The following NBAS variants were observed in gnomAD, a reference collection of about 807,000 sequenced individuals.
NBAS encodes the protein NBAS subunit of NRZ tethering complex.
A neutral mutation model predicts 302.5 loss-of-function variants in NBAS; 219 were observed. The ratio of observed to expected loss-of-function variants is 0.72; its 90% CI spans 0.65 to 0.81. NBAS has a LOEUF of 0.81. NBAS is among the 30% of genes least tolerant of loss of function. NBAS has a pLI of 0.00. For missense variants in NBAS, 2,932 were observed against 2,841.6 expected, an observed-to-expected ratio of 1.03 and a Z score of -0.72; for synonymous variants, 1,118 against 1,021.6, an observed-to-expected ratio of 1.09 and a Z score of -1.80.
intron 11 of NBAS, among the ~76,000 whole-genome samples, chr2:15,499,881 T>C (rs1307638802): frequency 1.3e-5 from 2 of 152,236 alleles, no homozygotes; most frequent in African/African-American, 4.8e-5. Context: ...TGTTAAAATA[T>C]GAACACAAAG....
chr2:15,344,546 G>A (rs1003461098), intron 35 of NBAS, among the ~76,000 whole-genome samples: 26 of 152,242 alleles, frequency 1.7e-4, no homozygotes, highest in African/African-American at 6.3e-4. Context: ...AAAAAGCCCA[G>A]GACCAGATGG....
intron 9 of NBAS, among the ~76,000 whole-genome samples, chr2:15,512,542 G>C (rs1306286356): frequency 1.3e-5 from 2 of 152,160 alleles, no homozygotes; most frequent in African/African-American, 2.4e-5. Flanking sequence ...CTTGAACTTA[G>C]GGAGAGTATC....
the NBAS span, among the ~76,000 whole-genome samples, chr2:14,804,845 T>C: frequency 1.3e-5 from 2 of 152,176 alleles, no homozygotes; most frequent in African/African-American, 2.4e-5. Context: ...AAAGGTTAGA[T>C]AGTTAGAAAT....
the NBAS span, among the ~76,000 whole-genome samples, chr2:15,069,168 C>A: frequency 6.6e-6 from 1 of 152,224 alleles, no homozygotes; most frequent in Non-Finnish European, 1.5e-5. Flanking sequence ...TAAATTTCAA[C>A]GTGACTTTTG....
chr2:14,949,087 C>A, the NBAS span, among the ~76,000 whole-genome samples: 1 of 152,098 alleles, frequency 6.6e-6, no homozygotes. Context: ...ACACAAAAAT[C>A]AAATCAAATT....
the NBAS span, among the ~76,000 whole-genome samples, chr2:14,952,653 C>T: frequency 1.3e-5 from 2 of 152,196 alleles, no homozygotes; most frequent in African/African-American, 2.4e-5. Flanking sequence ...GTCATGCATG[C>T]TTTTAAGCAG....
intron 23 of NBAS, among the ~76,000 whole-genome samples, chr2:15,419,427 T>C (rs1344895509): frequency 6.6e-6 from 1 of 151,790 alleles, no homozygotes; most frequent in Non-Finnish European, 1.5e-5. Flanking sequence ...GTGTCTGTGT[T>C]AGAGGCAAGG....
At chr2:14,877,612 G>A in the NBAS span, among the ~76,000 whole-genome samples, 1 of 152,104 alleles carries the variant, frequency 6.6e-6, no homozygotes, top group Non-Finnish European at 1.5e-5. Context: ...TTAGGCCTGG[G>A]GAGTTAGGAA....
the NBAS span, among the ~76,000 whole-genome samples, chr2:14,984,688 T>C: frequency 3.9e-5 from 6 of 152,196 alleles, no homozygotes; most frequent in African/African-American, 1.4e-4. Flanking sequence ...TCCCACCCCT[T>C]TCTCCACCCC....
At chr2:15,474,358 A>G (rs199914230) in intron 14 of NBAS, 34 bp from the exon 15 acceptor site, 58 of 1,564,848 alleles carry the variant, frequency 3.7e-5, no homozygotes, top group African/African-American at 5.5e-5. Flanking sequence ...AGTTAATAGT[A>G]AGGAAATAAG....
intron 44 of NBAS, among the ~76,000 whole-genome samples, chr2:15,250,562 C>T (rs1446653335): frequency 6.6e-6 from 1 of 152,134 alleles, no homozygotes; most frequent in Non-Finnish European, 1.5e-5. Flanking sequence ...GCTATCTATC[C>T]ATCTGACACA....
At chr2:15,454,856 T>C (rs773857182) in intron 21 of NBAS, among the ~76,000 whole-genome samples, 1 of 152,168 alleles carries the variant, frequency 6.6e-6, no homozygotes, top group African/African-American at 2.4e-5. Flanking sequence ...AAGGGCCATA[T>C]TTTAGTATGT....
Position 15,167,181 on chromosome 2 carries a change from T to C in NBAS, c.6983A>G (p.Glu2328Gly). ...CTCCCGCAGGTGTCTGCCCAGCTCCTCTGCATCCCAGCGCCCTTGCTGGAG... is the reference window on the plus strand; with the variant it reads ...CTCCCGCAGGTGTCTGCCCAGCTCCCCTGCATCCCAGCGCCCTTGCTGGAG... ...ASLQQGRWDA[E>G]ELGRHLREAG... The change falls in exon 52 of 52, where the codon GAG becomes GGG. Residue 2328 changes from glutamate to glycine, a missense_variant. By Grantham distance (98) the Glu-to-Gly change is moderately conservative (BLOSUM62 -2). Coordinates refer to ENST00000281513, the MANE Select transcript of NBAS (RefSeq NM_015909.4). The C allele has an allele frequency of 1.9e-6, 3 of 1,614,232 alleles. No individual in the cohort carries two copies. The highest frequency in any genetic ancestry group is 2.5e-6 in the Non-Finnish European group (3 of 1,180,046).
chr2:14,901,543 ATCT>A, the NBAS span, among the ~76,000 whole-genome samples: 7 of 152,344 alleles, frequency 4.6e-5, no homozygotes, highest in East Asian at 9.6e-4. Context: ...AGAAAAATGG[ATCT>A]TCTAATAAAT....
the NBAS span, among the ~76,000 whole-genome samples, chr2:14,807,306 T>C: frequency 6.6e-6 from 1 of 152,234 alleles, no homozygotes; most frequent in African/African-American, 2.4e-5. Context: ...TGGAGCCTGA[T>C]TTTCCTGGGG....
At chr2:14,843,363 G>A in the NBAS span, among the ~76,000 whole-genome samples, 1 of 152,064 alleles carries the variant, frequency 6.6e-6, no homozygotes, top group Admixed American at 6.6e-5. Flanking sequence ...AAATTGGAAA[G>A]AAAAACAAAT....
the NBAS span, among the ~76,000 whole-genome samples, chr2:15,015,889 C>T: frequency 6.6e-6 from 1 of 151,458 alleles, no homozygotes; most frequent in Non-Finnish European, 1.5e-5. Flanking sequence ...AAAGACTCTA[C>T]CAAAAAAAAA....
chr2:15,379,971 A>G, intron 29 of NBAS, 140 bp from the exon 30 acceptor site: 1 of 699,750 alleles, frequency 1.4e-6, no homozygotes, highest in Non-Finnish European at 2.4e-6. Context: ...CTGTAAATGT[A>G]CTAAATGACA....
At chr2:14,946,299 A>C in the NBAS span, among the ~76,000 whole-genome samples, 1 of 152,150 alleles carries the variant, frequency 6.6e-6, no homozygotes, top group Non-Finnish European at 1.5e-5. Context: ...ATTTTCAAAG[A>C]CCAAGTACAA....
Sources: allele counts gnomAD v4.1 joint callset (sites outside exome capture counted in the v4.1 genomes callset), GRCh38; gene constraint gnomAD v4.1.1; transcripts MANE v1.5; gene names NCBI Gene and HGNC (gene_info 2026-07-23, HGNC 2026-07-21).